MDN1: variants seen among roughly 807,000 people sequenced by gnomAD.
MDN1 encodes the protein midasin AAA ATPase 1.
Under a neutral mutation model 669.2 loss-of-function variants are expected in MDN1, and 266 were observed. The ratio of observed to expected loss-of-function variants is 0.40; its 90% CI spans 0.36 to 0.44. The LOEUF is 0.44. Among genes scored for constraint, MDN1 ranks in the 20% least tolerant of loss-of-function variants. MDN1 has a pLI of 1.00. For missense variants in MDN1, 5,940 were observed against 6,754.0 expected (o/e 0.88, Z 4.22); for synonymous variants, 2,385 against 2,457.1 (o/e 0.97, Z 0.87).
intron 65 of MDN1, 45 bp from the exon 66 acceptor site, chr6:89,688,853 G>C (rs376090583): frequency 1.0e-5 from 15 of 1,499,052 alleles, no homozygotes; most frequent in East Asian, 2.3e-5. Context: ...TCAGTAAGTT[G>C]ATCTATCAAC....
chr6:89,721,610 A>G (rs1233262282), intron 40 of MDN1, among the ~76,000 whole-genome samples: 2 of 152,164 alleles, frequency 1.3e-5, no homozygotes, highest in Non-Finnish European at 2.9e-5. Flanking sequence ...GCAAGCATGC[A>G]GCTTACTGCT....
intron 10 of MDN1, 95 bp downstream of exon 10, chr6:89,781,304 C>T: frequency 8.0e-7 from 1 of 1,257,380 alleles, no homozygotes. Context: ...TGAGCCAAAA[C>T]TGCACCACTG....
intron 76 of MDN1, among the ~76,000 whole-genome samples, chr6:89,677,061 G>A (rs996550073): frequency 8.0e-5 from 12 of 149,072 alleles, no homozygotes; most frequent in Non-Finnish European, 1.8e-4. Flanking sequence ...ATGGAGAGGT[G>A]AATGCAAGGA....
At chr6:89,716,581 TG>T in intron 44 of MDN1, 68 bp downstream of exon 44, 1 of 1,514,262 alleles carries the variant, frequency 6.6e-7, no homozygotes, top group Non-Finnish European at 8.9e-7. Flanking sequence ...CACTTCTATC[TG>T]GGTTTCTACT....
At chr6:89,811,395 T>C (rs1768404519) in intron 1 of MDN1, among the ~76,000 whole-genome samples, 1 of 152,004 alleles carries the variant, frequency 6.6e-6, no homozygotes, top group South Asian at 2.1e-4. Flanking sequence ...CTTGCTATTG[T>C]AGGAAATAAA....
rs778102611 is a variant in MDN1 at position 89,695,909 on chromosome 6, T to C, written c.9467A>G (p.Gln3156Arg). ...LAELLPESRR[Q>R]EYMQNCEQLL... ...CTGCTCACAGTTCTGCATGTACTCC[T>C]GCCGCCGGGACTCTGGGAGCAGCTC... The change falls in exon 61 of 102, where the codon CAG becomes CGG. Residue 3156 changes from glutamine to arginine, a missense_variant. This residue lies in a region of MDN1 where 2,292 missense variants were observed against 2,638.3 expected (regional missense o/e 0.87). Coordinates refer to ENST00000369393, the MANE Select transcript of MDN1 (RefSeq NM_014611.3). The surrounding 1 kb of genome is among the most constrained non-coding windows in gnomAD (Gnocchi z 4.1). The C allele has an allele frequency of 5.0e-6, 8 of 1,613,038 alleles. No individual in the cohort carries two copies. Among genetic ancestry groups the C allele is most frequent in the Non-Finnish European group, 6.8e-6 (8 of 1,180,034 alleles).
At position 89,749,319 on chromosome 6, in the gene MDN1, C is replaced by T. The variant is rs748788217; in HGVS notation, c.3666G>A (p.Glu1222=). 12 of 1,614,068 alleles carry T rather than the reference C, an allele frequency of 7.4e-6. No homozygotes were observed. Among genetic ancestry groups the T allele is most frequent in the South Asian group, 1.1e-5 (1 of 91,080 alleles). ...RNRFVELHFD[E]LPSSELETIL... ...TTGTTTCCAACTCGGAGCTAGGTAA[C>T]TCATCAAAGTGCAATTCCACAAACC... is the stretch of plus-strand genomic sequence containing the variant. Residue 1222 remains glutamate, a synonymous_variant, in exon 26 of 102, where the codon GAG becomes GAA. Transcript: ENST00000369393.
Position 89,723,492 on chromosome 6 carries a change from C to T in MDN1, c.5778+20G>A. ...AATACAGCCAGAAAAAAAAAGAAAC[C>T]AATACGTGTAGGTACTTACTTGGTT... On this transcript the variant is annotated intron_variant, in intron 39 of 101. Coordinates refer to ENST00000369393, the MANE Select transcript of MDN1 (RefSeq NM_014611.3). The T allele has an allele frequency of 7.3e-7, 1 of 1,377,482 alleles. No homozygotes were observed. The highest frequency in any genetic ancestry group is 1.0e-6 in the Non-Finnish European group (1 of 997,332). The allele number at this position is 1,377,482 out of a possible 1,614,324, so 85.3% of individuals were successfully genotyped here. A position where few individuals can be genotyped will look rare whatever the true frequency, so the allele number is the denominator to read the frequency against.
chr6:89,805,433 T>C (rs1281096280), intron 1 of MDN1, among the ~76,000 whole-genome samples: 1 of 152,096 alleles, frequency 6.6e-6, no homozygotes, highest in African/African-American at 2.4e-5. Context: ...TCTCAGCTCC[T>C]CAGGTGGCTG....
intron 1 of MDN1, among the ~76,000 whole-genome samples, chr6:89,803,965 G>A (rs147535429): frequency 2.9e-5 from 4 of 139,808 alleles, no homozygotes; most frequent in Admixed American, 1.6e-4. Flanking sequence ...GCAGTGGCAC[G>A]ATTTTGGCTC....
At chr6:89,790,111 A>G in intron 6 of MDN1, 48 bp downstream of exon 6, 1 of 1,611,352 alleles carries the variant, frequency 6.2e-7, no homozygotes, top group Non-Finnish European at 8.5e-7. Flanking sequence ...TTTAATGCAA[A>G]TATTTACAAG....
chr6:89,679,995 AG>A (rs1205237186), intron 74 of MDN1, among the ~76,000 whole-genome samples: 5 of 152,230 alleles, frequency 3.3e-5, no homozygotes, highest in African/African-American at 1.2e-4. Context: ...ACCTCATTAA[AG>A]GCAGGCCACC....
intron 71 of MDN1, among the ~76,000 whole-genome samples, 178 bp from the exon 72 acceptor site, chr6:89,684,082 A>T (rs192422920): frequency 5.3e-5 from 8 of 152,154 alleles, no homozygotes; most frequent in African/African-American, 1.9e-4. Flanking sequence ...GGTGGCTCAC[A>T]CCTGTAATCC....
At chr6:89,688,936 G>A (rs911744538) in intron 65 of MDN1, 128 bp from the exon 66 acceptor site, 60 of 725,880 alleles carry the variant, frequency 8.3e-5, no homozygotes, top group African/African-American at 5.3e-4. Context: ...TTGGGGAGCC[G>A]AGGCAGGCAG....
At chr6:89,805,743 C>T (rs1372462620) in intron 1 of MDN1, among the ~76,000 whole-genome samples, 1 of 152,146 alleles carries the variant, frequency 6.6e-6, no homozygotes, top group Non-Finnish European at 1.5e-5. Flanking sequence ...TGATTCTGAT[C>T]AAAGCACTGA....
intron 27 of MDN1, among the ~76,000 whole-genome samples, chr6:89,746,995 C>T (rs939826534): frequency 1.3e-5 from 2 of 152,170 alleles, no homozygotes; most frequent in South Asian, 4.1e-4. Context: ...AAAGCACTAG[C>T]CAGACTACCT....
chr6:89,683,692 A>C (rs1430662205), intron 72 of MDN1, 139 bp downstream of exon 72: 1 of 672,320 alleles, frequency 1.5e-6, no homozygotes, highest in African/African-American at 1.8e-5. Context: ...AAGCAACATC[A>C]AAACAATCAA....
intron 5 of MDN1, among the ~76,000 whole-genome samples, chr6:89,793,205 G>A (rs1819372334): frequency 6.6e-6 from 1 of 152,200 alleles, no homozygotes; most frequent in Non-Finnish European, 1.5e-5. Context: ...AGAGGCTGCT[G>A]GGAGTCATCT....
At chr6:89,685,749 C>T in intron 70 of MDN1, 78 bp downstream of exon 70, 1 of 1,501,196 alleles carries the variant, frequency 6.7e-7, no homozygotes, top group Non-Finnish European at 9.0e-7. Context: ...CAACAAGGCA[C>T]CTGTCTCATG....
Sources: allele counts gnomAD v4.1 joint callset (sites outside exome capture counted in the v4.1 genomes callset), GRCh38; gene constraint gnomAD v4.1.1; regional missense constraint gnomAD v4.1.1; non-coding constraint Gnocchi (gnomAD v3.1); transcripts MANE v1.5; gene names NCBI Gene and HGNC (gene_info 2026-07-23, HGNC 2026-07-21).